Variants in CFAP92 observed in about 807,000 individuals in gnomAD.
CFAP92 encodes the protein cilia and flagella associated protein 92 (putative).
Under a neutral mutation model 106.3 loss-of-function variants are expected in CFAP92, and 86 were observed. The observed-to-expected ratio is 0.81, with a 90% CI of 0.68 to 0.97. The LOEUF (loss-of-function observed/expected upper bound fraction) is 0.97, where lower values mean the gene tolerates loss of function less well. Among genes scored for constraint, CFAP92 ranks in the 50% least tolerant of loss-of-function variants. CFAP92 has a pLI of 0.00. For synonymous variants in CFAP92, 477 were observed against 506.4 expected (o/e 0.94, Z 0.78); for missense variants, 1,204 against 1,283.8 (o/e 0.94, Z 0.95).
chr3:128,951,514 A>G (rs1940802132), intron 9 of CFAP92, among the ~76,000 whole-genome samples: 1 of 152,168 alleles, frequency 6.6e-6, no homozygotes, highest in African/African-American at 2.4e-5. Context: ...TATATAAAAA[A>G]AAAATACAAA....
chr3:128,953,622 TCCCTCTCCGTCTCCCTCTCCCC>T, intron 9 of CFAP92, among the ~76,000 whole-genome samples: 1 of 66,912 alleles, frequency 1.5e-5, no homozygotes, highest in East Asian at 5.2e-4. Flanking sequence ...TCCCTCTCCC[TCCCTCTCCGTCTCCCTCTCCCC>T]ACGGTCTCCC....
At chr3:128,951,151 CTTGA>C (rs1940736830) in intron 9 of CFAP92, among the ~76,000 whole-genome samples, 1 of 151,726 alleles carries the variant, frequency 6.6e-6, no homozygotes, top group African/African-American at 2.4e-5. Flanking sequence ...AGGAGAATTG[CTTGA>C]ATCTGGGAGG....
chr3:128,947,896 G>GAA (rs1940388473), intron 9 of CFAP92, among the ~76,000 whole-genome samples: 2 of 151,212 alleles, frequency 1.3e-5, no homozygotes, highest in African/African-American at 4.9e-5. Flanking sequence ...AAAGCATTGA[G>GAA]AAGAAAACAG....
At chr3:128,921,786 CAA>C (rs1429648241) in intron 12 of CFAP92, among the ~76,000 whole-genome samples, 2 of 152,160 alleles carry the variant, frequency 1.3e-5, no homozygotes, top group Admixed American at 1.3e-4. Flanking sequence ...TCAGGCCCCT[CAA>C]CAAACCAAGG....
intron 6 of CFAP92, 81 bp from the exon 7 acceptor site, chr3:128,975,984 T>A: frequency 7.1e-7 from 1 of 1,406,532 alleles, no homozygotes; most frequent in Non-Finnish European, 9.5e-7. Flanking sequence ...ACTGATGGAC[T>A]AAATGAGAGC....
intron 12 of CFAP92, 114 bp from the exon 13 acceptor site, chr3:128,916,385 T>A: frequency 2.4e-5 from 16 of 665,198 alleles, no homozygotes; most frequent in South Asian, 8.2e-5. Flanking sequence ...TATTGATTGA[T>A]TCTTCAATAC....
In CFAP92 at chr3:128,932,813, G is replaced by A. The variant is rs1222641089; in HGVS notation, c.2638C>T (p.His880Tyr). Reference protein sequence around the residue: ...PQPAPNLEDYHSRNSTLTLEI... With the variant: ...PQPAPNLEDYYSRNSTLTLEI... ...AAGGTGAGGGTGGAGTTCCGACTGT[G>A]GTAGTCCTCAAGATTGGGGGCAGGC... The change falls in exon 12 of 16, where the codon CAC (histidine) becomes TAC (tyrosine). Residue 880 changes from histidine (H) to tyrosine (Y), a missense_variant. Coordinates refer to ENST00000645291, the MANE Select transcript of CFAP92 (RefSeq NM_001394090.1). The A allele has an allele frequency of 2.6e-6, 4 of 1,536,108 alleles. No individual in the cohort carries two copies. Among genetic ancestry groups the A allele is most frequent in the Non-Finnish European group, 3.5e-6 (4 of 1,146,926 alleles).
At chr3:128,958,843 G>GT (rs1399790668) in intron 9 of CFAP92, among the ~76,000 whole-genome samples, 4 of 152,092 alleles carry the variant, frequency 2.6e-5, no homozygotes, top group Non-Finnish European at 5.9e-5. Flanking sequence ...TGAGGCTGCA[G>GT]TAAGTTATGA....
upstream of CFAP92, chr3:129,003,753 TG>T (rs2107852768): frequency 1.5e-6 from 2 of 1,344,806 alleles, no homozygotes; most frequent in South Asian, 1.6e-5. Flanking sequence ...TGCATCTGGC[TG>T]GGGCACTTAC....
chr3:129,009,091 A>G, the CFAP92 span, among the ~76,000 whole-genome samples: 113 of 152,288 alleles, frequency 7.4e-4, 1 homozygote, highest in East Asian at 0.02. Context: ...ATAAAATGTC[A>G]TTCAATCCCT....
At chr3:129,004,014 C>A, upstream of CFAP92, 1 of 1,507,362 alleles carries the variant, frequency 6.6e-7, no homozygotes, top group South Asian at 1.2e-5. Flanking sequence ...GAGGCGCTGG[C>A]GCAACAGGTG....
chr3:129,007,622 G>C (rs566279545), upstream of CFAP92, among the ~76,000 whole-genome samples: 12 of 152,284 alleles, frequency 7.9e-5, no homozygotes, highest in African/African-American at 2.9e-4. Context: ...GTATTATGTC[G>C]GATGTTTCAA....
chr3:128,935,135 C>A lies in CFAP92; in HGVS notation c.2443G>T (p.Ala815Ser). The A allele has an allele frequency of 6.5e-7, 1 of 1,526,750 alleles. No homozygotes were observed. The highest frequency in any genetic ancestry group is 8.8e-7 in the Non-Finnish European group (1 of 1,141,140). The allele number at this position is 1,526,750 out of a possible 1,614,324, so 94.6% of individuals were successfully genotyped here. The change falls in exon 11 of 16, where the codon GCT becomes TCT. Residue 815 changes from alanine (A) to serine (S), a missense_variant. Coordinates refer to ENST00000645291, the MANE Select transcript of CFAP92 (RefSeq NM_001394090.1). The part of the protein sequence containing the change: ...RDTERRRVFQ[A>S]LARIHDICYN... ...GCTGCCACTGCCCACCTGGCTAGAG[C>A]CTGGAAGACCCGCCTCCGCTCAGTG...
intron 10 of CFAP92, among the ~76,000 whole-genome samples, chr3:128,938,539 G>C (rs1053431797): frequency 6.7e-6 from 1 of 149,344 alleles, no homozygotes; most frequent in East Asian, 2.0e-4. Flanking sequence ...TGTCTCCCAG[G>C]CTGGAGTACA....
chr3:128,946,266 T>G (rs1218995580), intron 9 of CFAP92, among the ~76,000 whole-genome samples: 1 of 151,906 alleles, frequency 6.6e-6, no homozygotes, highest in Non-Finnish European at 1.5e-5. Flanking sequence ...AGGCCATGTG[T>G]CCTTTTTCAT....
chr3:128,979,537 A>G (rs1943379713), intron 4 of CFAP92, among the ~76,000 whole-genome samples: 1 of 152,152 alleles, frequency 6.6e-6, no homozygotes, highest in Non-Finnish European at 1.5e-5. Flanking sequence ...CAAAGACTTG[A>G]AACCAACCCA....
In CFAP92 at chr3:128,933,011, C is replaced by A; in HGVS notation, c.2454-14G>T. 2 of 1,535,650 alleles carry A rather than the reference C, an allele frequency of 1.3e-6. No homozygotes were observed. Among genetic ancestry groups the A allele is most frequent in the South Asian group, 1.2e-5 (1 of 84,040 alleles). ...ATGTCGTGGATCCTGGAACAAAGAA[C>A]CACTGCCCCACTGAACCTCTCCTAC... On this transcript the variant is annotated splice_polypyrimidine_tract_variant and intron_variant, in intron 11 of 15. Coordinates refer to ENST00000645291, the MANE Select transcript of CFAP92 (RefSeq NM_001394090.1).
chr3:128,922,575 G>T (rs1246008673), intron 12 of CFAP92, among the ~76,000 whole-genome samples: 1 of 152,122 alleles, frequency 6.6e-6, no homozygotes, highest in East Asian at 1.9e-4. Context: ...GGATTTTGAA[G>T]GACTAGTAAA....
chr3:129,001,917 G>C, intron 1 of CFAP92: 2 of 1,538,914 alleles, frequency 1.3e-6, no homozygotes, highest in Non-Finnish European at 1.8e-6. Flanking sequence ...CACCACGGCC[G>C]GGCAGGCAGC....
Sources: gnomAD v4.1 joint callset for allele counts (sites outside exome capture counted in the v4.1 genomes callset) on GRCh38, gnomAD v4.1.1 for gene constraint, MANE v1.5 for transcripts, NCBI Gene and HGNC (gene_info 2026-07-23, HGNC 2026-07-21) for gene names.